Variants in COL10A1 observed in about 807,000 individuals in gnomAD.
The protein encoded by COL10A1 is collagen alpha-1(X) chain.
In COL10A1, 10 loss-of-function variants were observed where a neutral mutation model predicts 18.2. That is an observed-to-expected ratio of 0.55 (90% confidence interval 0.34 to 0.93). The LOEUF (loss-of-function observed/expected upper bound fraction) is 0.93. COL10A1 is among the 40% of genes least tolerant of loss of function. The pLI, the probability that COL10A1 is intolerant of heterozygous loss-of-function variation, is 0.02. For synonymous variants in COL10A1, 330 were observed against 316.6 expected, an observed-to-expected ratio of 1.04 and a Z score of -0.45; for missense variants, 897 against 853.5, an observed-to-expected ratio of 1.05 and a Z score of -0.64.
At chr6:116,147,678 A>T (rs1366819808) in intron 1 of COL10A1, among the ~76,000 whole-genome samples, 1 of 152,158 alleles carries the variant, frequency 6.6e-6, no homozygotes, top group Non-Finnish European at 1.5e-5. Context: ...CTGTTACAAG[A>T]CTTTATATAA....
the COL10A1 span, among the ~76,000 whole-genome samples, chr6:116,197,107 A>C: frequency 1.3e-5 from 2 of 151,028 alleles, no homozygotes; most frequent in Admixed American, 6.6e-5. Flanking sequence ...GTCCACCCCC[A>C]CCTCCTTTCT....
the COL10A1 span, among the ~76,000 whole-genome samples, chr6:116,202,415 C>T: frequency 6.6e-6 from 1 of 151,916 alleles, no homozygotes; most frequent in African/African-American, 2.4e-5. Context: ...GTTTTGTTCG[C>T]CATACTCTTT....
chr6:116,127,873 G>A (rs1049166907), upstream of COL10A1, among the ~76,000 whole-genome samples: 4 of 152,094 alleles, frequency 2.6e-5, no homozygotes, highest in Admixed American at 2.0e-4. Context: ...TATACCATTT[G>A]TTCATCTGTG....
upstream of COL10A1, among the ~76,000 whole-genome samples, chr6:116,161,639 T>G (rs1780332444): frequency 6.6e-6 from 1 of 152,206 alleles, no homozygotes; most frequent in Non-Finnish European, 1.5e-5. Flanking sequence ...AGACTTGTAG[T>G]GTAGTTTGAA....
the COL10A1 span, among the ~76,000 whole-genome samples, chr6:116,210,017 C>T: frequency 2.0e-5 from 3 of 151,818 alleles, no homozygotes; most frequent in African/African-American, 4.8e-5. Context: ...TGTTACTAAC[C>T]GTAATTTTGA....
the COL10A1 span, among the ~76,000 whole-genome samples, chr6:116,166,032 A>C: frequency 6.6e-6 from 1 of 152,154 alleles, no homozygotes; most frequent in South Asian, 2.1e-4. Flanking sequence ...CACTGACAGC[A>C]TTGCCTGGGG....
At chr6:116,187,604 A>C in the COL10A1 span, among the ~76,000 whole-genome samples, 3 of 152,256 alleles carry the variant, frequency 2.0e-5, no homozygotes, top group East Asian at 5.8e-4. Flanking sequence ...CAGGTACAGC[A>C]GAGCAGTGGG....
chr6:116,123,407 G>A (rs1263819955), intron 2 of COL10A1, among the ~76,000 whole-genome samples: 1 of 152,192 alleles, frequency 6.6e-6, no homozygotes. Flanking sequence ...TTCAAGATTA[G>A]GGTGGCACAA....
At chr6:116,173,023 C>A in the COL10A1 span, among the ~76,000 whole-genome samples, 1 of 152,110 alleles carries the variant, frequency 6.6e-6, no homozygotes, top group African/African-American at 2.4e-5. Flanking sequence ...GAATACAATT[C>A]ACAGATATTA....
At chr6:116,157,872 G>A (rs1033967878) in intron 1 of COL10A1, among the ~76,000 whole-genome samples, 9 of 152,114 alleles carry the variant, frequency 5.9e-5, no homozygotes, top group Middle Eastern at 3.2e-3. Flanking sequence ...TGTATTGTAC[G>A]TCTTTTAGGC....
intron 1 of COL10A1, 92 bp from the exon 2 acceptor site, chr6:116,125,599 T>C (rs1035011304): frequency 1.7e-6 from 2 of 1,152,404 alleles, no homozygotes; most frequent in East Asian, 2.6e-5. Flanking sequence ...TATACAGTTA[T>C]CTACTTTTTT....
At chr6:116,216,517 T>C in the COL10A1 span, among the ~76,000 whole-genome samples, 40 of 151,970 alleles carry the variant, frequency 2.6e-4, no homozygotes, top group African/African-American at 9.7e-4. Context: ...AATGTAAATT[T>C]TGTATATTAT....
chr6:116,185,398 T>TA, the COL10A1 span, among the ~76,000 whole-genome samples: 2 of 152,096 alleles, frequency 1.3e-5, no homozygotes, highest in Admixed American at 6.6e-5. Context: ...GGGTATAGTT[T>TA]AAGTCCATTG....
intron 1 of COL10A1, among the ~76,000 whole-genome samples, chr6:116,141,382 G>A (rs1488412200): frequency 6.6e-6 from 1 of 151,794 alleles, no homozygotes; most frequent in Non-Finnish European, 1.5e-5. Flanking sequence ...TCTCTCTAGG[G>A]CATCTTATGT....
the COL10A1 span, among the ~76,000 whole-genome samples, chr6:116,175,735 G>A: frequency 6.6e-6 from 1 of 152,098 alleles, no homozygotes; most frequent in African/African-American, 2.4e-5. Flanking sequence ...CCTCATCTCA[G>A]ATACTGTCTT....
At chr6:116,128,686 T>C (rs890120368), upstream of COL10A1, among the ~76,000 whole-genome samples, 1 of 152,152 alleles carries the variant, frequency 6.6e-6, no homozygotes, top group Non-Finnish European at 1.5e-5. Context: ...GTTTACACAG[T>C]GGTTCTCAGC....
At chr6:116,201,553 TG>T in the COL10A1 span, among the ~76,000 whole-genome samples, 2 of 152,004 alleles carry the variant, frequency 1.3e-5, no homozygotes, top group Non-Finnish European at 2.9e-5. Context: ...GGTGAGCATT[TG>T]CCAGAGTCAG....
the COL10A1 span, among the ~76,000 whole-genome samples, chr6:116,169,482 G>A: frequency 1.8e-4 from 28 of 152,280 alleles, no homozygotes; most frequent in African/African-American, 4.3e-4. Flanking sequence ...GATAGGTGCC[G>A]TAAGTTCTGT....
chr6:116,203,115 A>C, the COL10A1 span, among the ~76,000 whole-genome samples: 5 of 151,998 alleles, frequency 3.3e-5, 1 homozygote, highest in Non-Finnish European at 7.4e-5. Flanking sequence ...ATGTCACTTA[A>C]TGCAAATTTG....
Sources: allele counts gnomAD v4.1 joint callset (sites outside exome capture counted in the v4.1 genomes callset), GRCh38; gene constraint gnomAD v4.1.1; transcripts MANE v1.5; gene names NCBI Gene and HGNC (gene_info 2026-07-23, HGNC 2026-07-21).